The following NCAM2 variants were observed in gnomAD, a reference collection of about 807,000 sequenced individuals.
NCAM2 encodes neural cell adhesion molecule 2, also known as N-CAM-2.
A neutral mutation model predicts 98.1 loss-of-function variants in NCAM2; 30 were observed. The observed-to-expected ratio is 0.31, with a 90% CI of 0.23 to 0.41. The LOEUF is 0.41. NCAM2 is among the 10% of genes least tolerant of loss of function. The probability of loss-of-function intolerance (pLI) is 1.00; values close to 1 mark genes in which losing one functional copy is unlikely to be tolerated. For synonymous variants in NCAM2, 368 were observed against 342.4 expected (o/e 1.07, Z -0.83); for missense variants, 867 against 1,005.8 (o/e 0.86, Z 1.87).
At chr21:21,248,633 T>C (rs774542483) in intron 1 of NCAM2, among the ~76,000 whole-genome samples, 1 of 151,516 alleles carries the variant, frequency 6.6e-6, no homozygotes, top group Non-Finnish European at 1.5e-5. Context: ...AAAAATTAGC[T>C]GGGCGTGGTG....
intron 5 of NCAM2, among the ~76,000 whole-genome samples, 192 bp downstream of exon 5, chr21:21,292,433 T>C (rs9978043): frequency 1.3e-5 from 2 of 151,372 alleles, no homozygotes; most frequent in South Asian, 2.1e-4. Flanking sequence ...CCATGACTTA[T>C]GTTACATTGT....
At chr21:21,362,539 C>T (rs575344220) in intron 8 of NCAM2, among the ~76,000 whole-genome samples, 3 of 152,016 alleles carry the variant, frequency 2.0e-5, no homozygotes, top group African/African-American at 4.8e-5. Flanking sequence ...ACTACAGGCA[C>T]ATGCCACCAT....
intron 14 of NCAM2, among the ~76,000 whole-genome samples, chr21:21,471,721 T>C (rs1334784774): frequency 6.6e-6 from 1 of 152,024 alleles, no homozygotes; most frequent in Non-Finnish European, 1.5e-5. Flanking sequence ...AATTTGGGTT[T>C]CACTGGGAAA....
At chr21:21,018,558 A>G (rs1036011781) in intron 1 of NCAM2, among the ~76,000 whole-genome samples, 2 of 152,248 alleles carry the variant, frequency 1.3e-5, no homozygotes, top group Admixed American at 6.5e-5. Context: ...ATAAAATTAT[A>G]GATGCATATT....
At chr21:21,221,879 T>C (rs1371464446) in intron 1 of NCAM2, among the ~76,000 whole-genome samples, 1 of 152,124 alleles carries the variant, frequency 6.6e-6, no homozygotes, top group African/African-American at 2.4e-5. Flanking sequence ...TATGTGACTT[T>C]CATAGCTACA....
rs984313189 is a variant in NCAM2 at position 21,163,084 on chromosome 21, C to T, written c.56-117494C>T. On this transcript the variant is annotated intron_variant, in intron 1 of 17. Transcript: ENST00000400546. ...CCTTTTCTAAATACTAATGTTGAAG[C>T]AAAAAGAGATGTTCATATAATCATG... is the stretch of plus-strand genomic sequence containing the variant. 2.6e-5 allele frequency among the ~76,000 whole-genome samples: 4 copies of T among 152,068 alleles called. 1 individual carries two copies. In the South Asian group the frequency reaches 8.3e-4, roughly 32 times the overall value.
chr21:21,492,254 A>G (rs1313562061), intron 15 of NCAM2, among the ~76,000 whole-genome samples: 1 of 151,852 alleles, frequency 6.6e-6, no homozygotes, highest in Non-Finnish European at 1.5e-5. Flanking sequence ...CAAAGTTGGT[A>G]CAAGTAAATT....
chr21:21,200,279 G>A, intron 1 of NCAM2, among the ~76,000 whole-genome samples: 1 of 152,002 alleles, frequency 6.6e-6, no homozygotes, highest in Non-Finnish European at 1.5e-5. Flanking sequence ...AAATGGACTT[G>A]CATGGGTCAC....
Position 21,534,665 on chromosome 21 carries a change from C to T in NCAM2, c.2402+9C>T, listed in dbSNP as rs1160383960. On this transcript the variant is annotated intron_variant, in intron 17 of 17. Transcript: ENST00000400546. ...CCACTGACAGAACCTGAGTATGTGG[C>T]TTGGAGTGCTCACTTATGTTCAAAT... 2.5e-6 allele frequency: 4 copies of T among 1,588,472 alleles called. No individual in the cohort carries two copies. Among genetic ancestry groups the T allele is most frequent in the Non-Finnish European group, 3.4e-6 (4 of 1,169,034 alleles).
intron 9 of NCAM2, among the ~76,000 whole-genome samples, chr21:21,384,134 A>G (rs1294690019): frequency 6.6e-6 from 1 of 152,046 alleles, no homozygotes; most frequent in Non-Finnish European, 1.5e-5. Flanking sequence ...TTAGAGTTAT[A>G]TGTTTAAAGT....
At chr21:21,155,610 A>G (rs1372915569) in intron 1 of NCAM2, among the ~76,000 whole-genome samples, 1 of 151,870 alleles carries the variant, frequency 6.6e-6, no homozygotes, top group Non-Finnish European at 1.5e-5. Flanking sequence ...TGGAGTTAAC[A>G]TTGGCTTTAG....
At chr21:21,480,550 C>G (rs1000842881) in intron 15 of NCAM2, among the ~76,000 whole-genome samples, 1 of 151,866 alleles carries the variant, frequency 6.6e-6, no homozygotes, top group East Asian at 1.9e-4. Flanking sequence ...TGGAAGAGAA[C>G]CTGGAAGTGT....
At chr21:21,301,714 C>G (rs1396561614) in intron 5 of NCAM2, among the ~76,000 whole-genome samples, 1 of 151,096 alleles carries the variant, frequency 6.6e-6, no homozygotes, top group Non-Finnish European at 1.5e-5. Flanking sequence ...AGGACATGAA[C>G]TCATCATTTT....
At chr21:21,443,664 CT>C (rs1197587806) in intron 12 of NCAM2, among the ~76,000 whole-genome samples, 1 of 152,024 alleles carries the variant, frequency 6.6e-6, no homozygotes, top group Non-Finnish European at 1.5e-5. Context: ...CTAAATTTCT[CT>C]TTTTAAGTAC....
intron 1 of NCAM2, among the ~76,000 whole-genome samples, chr21:21,113,460 G>A (rs943074080): frequency 4.6e-5 from 7 of 152,158 alleles, no homozygotes; most frequent in African/African-American, 1.7e-4. Flanking sequence ...CATTTTCTGT[G>A]GCAAACAGAT....
chr21:21,538,472 G>A lies in NCAM2; in HGVS notation c.*515G>A, dbSNP rs527797462. On this transcript the variant is annotated 3_prime_UTR_variant, in exon 18 of 18. Transcript: ENST00000400546. Reference sequence around the variant, plus strand: ...AATTTCAGGGAACGTAGGCGTCAAAGAGCCAGTTATCTTTAGCAGATATTA... The same window carrying A: ...AATTTCAGGGAACGTAGGCGTCAAAAAGCCAGTTATCTTTAGCAGATATTA... 3 of 152,522 alleles carry A rather than the reference G, an allele frequency of 2.0e-5. No individual in the cohort carries two copies. Among genetic ancestry groups the A allele is most frequent in the Non-Finnish European group, 4.4e-5 (3 of 68,010 alleles). 9.4% of individuals were successfully genotyped at this position (152,522 alleles called of 1,614,324 possible). A position where few individuals can be genotyped will look rare whatever the true frequency, so the allele number is the denominator to read the frequency against.
chr21:21,310,305 G>C (rs2074005781), intron 5 of NCAM2, among the ~76,000 whole-genome samples: 1 of 152,124 alleles, frequency 6.6e-6, no homozygotes, highest in Non-Finnish European at 1.5e-5. Flanking sequence ...ACTATGAACT[G>C]AAACATGGCC....
chr21:21,202,746 T>C (rs939181842), intron 1 of NCAM2, among the ~76,000 whole-genome samples: 1 of 152,190 alleles, frequency 6.6e-6, no homozygotes, highest in Non-Finnish European at 1.5e-5. Flanking sequence ...TAAAAAGTAA[T>C]TAATTTTGAA....
chr21:21,442,591 C>G (rs1480890068), intron 12 of NCAM2, among the ~76,000 whole-genome samples: 3 of 151,892 alleles, frequency 2.0e-5, no homozygotes, highest in Non-Finnish European at 4.4e-5. Context: ...ACTGTAGGTA[C>G]AAATTTAAAA....
Sources: allele counts gnomAD v4.1 joint callset (sites outside exome capture counted in the v4.1 genomes callset), GRCh38; gene constraint gnomAD v4.1.1; transcripts MANE v1.5; gene names NCBI Gene and HGNC (gene_info 2026-07-23, HGNC 2026-07-21).